The following MGAT4C variants were observed in gnomAD, a reference collection of about 807,000 sequenced individuals.
The protein encoded by MGAT4C is alpha-1,3-mannosyl-glycoprotein 4-beta-N-acetylglucosaminyltransferase C.
In MGAT4C, 19 loss-of-function variants were observed where a neutral mutation model predicts 40.1. That is an observed-to-expected ratio of 0.47 (90% CI 0.33 to 0.70). The LOEUF is 0.70. Among genes scored for constraint, MGAT4C ranks in the 30% least tolerant of loss-of-function variants. MGAT4C has a pLI of 0.02. For synonymous variants in MGAT4C, 181 were observed against 187.1 expected (o/e 0.97, Z 0.27); for missense variants, 491 against 563.2 (o/e 0.87, Z 1.30).
intron 1 of MGAT4C, among the ~76,000 whole-genome samples, chr12:86,147,276 C>T (rs1210058669): frequency 1.3e-5 from 2 of 151,956 alleles, no homozygotes; most frequent in East Asian, 1.9e-4. Flanking sequence ...TAGTCTCGCT[C>T]TGTCGCCCAG....
rs191342958 is a variant in MGAT4C, at chr12:86,489,883, A to C, written c.-228-54618T>G. 3.6e-4 allele frequency among the ~76,000 whole-genome samples: 55 copies of C among 152,320 alleles called. 1 individual carries two copies. Among genetic ancestry groups the C allele is most frequent in the African/African-American group, 1.3e-3 (54 of 41,576 alleles). On this transcript the variant is annotated intron_variant, in intron 2 of 7. Coordinates refer to the MGAT4C transcript ENST00000548651. ...AGGGAAGTTTAGAGAAAAAAGAATA[A>C]AAAGAAATGAACAAAGCATCCAAGA...
At chr12:86,082,433 G>A (rs1311309411) in intron 1 of MGAT4C, among the ~76,000 whole-genome samples, 3 of 152,138 alleles carry the variant, frequency 2.0e-5, no homozygotes, top group Non-Finnish European at 4.4e-5. Flanking sequence ...ATTGGTAGGC[G>A]ACAATTCATT....
chr12:86,574,333 T>A (rs769869862), intron 2 of MGAT4C, among the ~76,000 whole-genome samples: 1 of 151,792 alleles, frequency 6.6e-6, no homozygotes, highest in Non-Finnish European at 1.5e-5. Context: ...CATATTAAGA[T>A]GAAATATTTA....
intron 4 of MGAT4C, among the ~76,000 whole-genome samples, chr12:86,299,851 T>C (rs367781113): frequency 6.6e-6 from 1 of 152,200 alleles, no homozygotes; most frequent in East Asian, 1.9e-4. Flanking sequence ...TCTGTTTTTA[T>C]TCCCATTTAC....
chr12:86,611,731 AAATTT>A (rs1273857818), intron 2 of MGAT4C, among the ~76,000 whole-genome samples: 1 of 152,126 alleles, frequency 6.6e-6, no homozygotes, highest in Non-Finnish European at 1.5e-5. Flanking sequence ...TTTTTATAAC[AAATTT>A]ATTTATTGTT....
At chr12:86,251,478 T>A (rs1281961927) in intron 1 of MGAT4C, among the ~76,000 whole-genome samples, 11 of 152,114 alleles carry the variant, frequency 7.2e-5, no homozygotes, top group South Asian at 2.1e-4. Flanking sequence ...AAAAAGAAAG[T>A]GTCTTTAAAA....
At chr12:86,782,940 G>C (rs538660005) in intron 1 of MGAT4C, among the ~76,000 whole-genome samples, 1 of 152,146 alleles carries the variant, frequency 6.6e-6, no homozygotes, top group Non-Finnish European at 1.5e-5. Flanking sequence ...ATCCAAACCG[G>C]TCTGTAGTAT....
intron 3 of MGAT4C, among the ~76,000 whole-genome samples, chr12:86,398,591 T>C (rs951965879): frequency 2.2e-4 from 33 of 151,798 alleles, no homozygotes; most frequent in African/African-American, 8.0e-4. Flanking sequence ...CCATAGCCCT[T>C]TTAATAGTCT....
In MGAT4C at chr12:86,203,014, CTGTGTGTGTGTG is replaced by C. The variant is rs10587166; in HGVS notation, c.-57+53213_-57+53224del. On this transcript the variant is annotated intron_variant, in intron 1 of 4. Transcript: ENST00000611864. ...GCTGCTAAGTATATGTCACATTTTCCTGTGTGTGTGTGTGTGTGTGTGTGTGTGTGTGTGTGT... is the reference window on the plus strand; with the variant it reads ...GCTGCTAAGTATATGTCACATTTTCCTGTGTGTGTGTGTGTGTGTGTGTGT... Among the ~76,000 whole-genome samples the C allele has an allele frequency of 4.6e-3, 669 of 147,008 alleles. 4 individuals are homozygous for C. The East Asian group carries it at 0.051, about 11-fold the overall frequency.
chr12:86,425,007 C>T (rs964212793), intron 3 of MGAT4C, among the ~76,000 whole-genome samples: 1 of 152,182 alleles, frequency 6.6e-6, no homozygotes, highest in Admixed American at 6.5e-5. Context: ...CCACCTGCCT[C>T]AGCCTCCCGA....
intron 1 of MGAT4C, among the ~76,000 whole-genome samples, chr12:86,795,537 T>C (rs1952099156): frequency 6.6e-6 from 1 of 151,764 alleles, no homozygotes; most frequent in African/African-American, 2.4e-5. Flanking sequence ...TTATATGTAC[T>C]CAAGCTTAAA....
chr12:86,274,318 C>T (rs1026171031), intron 4 of MGAT4C, among the ~76,000 whole-genome samples: 3 of 152,082 alleles, frequency 2.0e-5, no homozygotes, highest in Admixed American at 6.6e-5. Flanking sequence ...GGACATATAT[C>T]CAATCGATAT....
chr12:86,450,144 G>A lies in MGAT4C; in HGVS notation c.-228-14879C>T, dbSNP rs150082279. 1.2e-3 allele frequency among the ~76,000 whole-genome samples: 175 copies of A among 152,058 alleles called. 4 individuals carry two copies. The highest frequency in any genetic ancestry group is 1.5e-3 in the South Asian group (7 of 4,812). The stretch of plus-strand genomic sequence containing the variant: ...GTAGAAATTGCCAACTTTTCTCGGC[G>A]GCAGTGTCAGTTTCCACATTCACTG... On this transcript the variant is annotated intron_variant, in intron 2 of 7. Transcript: ENST00000548651.
At chr12:86,061,677 G>A (rs372988235) in intron 1 of MGAT4C, among the ~76,000 whole-genome samples, 76 of 152,212 alleles carry the variant, frequency 5.0e-4, no homozygotes, top group African/African-American at 1.8e-3. Context: ...GGATGCTCGA[G>A]CTTGGTGAGG....
chr12:86,244,671 TAC>T (rs935150721), intron 1 of MGAT4C, among the ~76,000 whole-genome samples: 105 of 152,252 alleles, frequency 6.9e-4, no homozygotes, highest in African/African-American at 2.4e-3. Flanking sequence ...TCAATTTAAA[TAC>T]ATTACAGGGA....
At chr12:86,308,136 C>T (rs988888753) in intron 4 of MGAT4C, among the ~76,000 whole-genome samples, 1 of 150,532 alleles carries the variant, frequency 6.6e-6, no homozygotes, top group Non-Finnish European at 1.5e-5. Flanking sequence ...TATTTGAAAA[C>T]ATCAATTATG....
intron 2 of MGAT4C, among the ~76,000 whole-genome samples, chr12:86,688,783 TC>T (rs2136593437): frequency 6.6e-6 from 1 of 152,340 alleles, no homozygotes; most frequent in African/African-American, 2.4e-5. Flanking sequence ...TAACATTTTT[TC>T]CTTCAGTTCA....
chr12:86,682,863 A>G (rs966174491), intron 2 of MGAT4C, among the ~76,000 whole-genome samples: 1 of 152,178 alleles, frequency 6.6e-6, no homozygotes, highest in Non-Finnish European at 1.5e-5. Flanking sequence ...GGAGATATAA[A>G]GAATGATGTG....
At chr12:85,993,189 G>A (rs1298316476) in intron 2 of MGAT4C, among the ~76,000 whole-genome samples, 2 of 152,144 alleles carry the variant, frequency 1.3e-5, no homozygotes, top group African/African-American at 4.8e-5. Context: ...GAGCTCTCCT[G>A]GAAGGATGTC....
Sources: gnomAD v4.1 joint callset for allele counts (sites outside exome capture counted in the v4.1 genomes callset) on GRCh38, gnomAD v4.1.1 for gene constraint, MANE v1.5 for transcripts, NCBI Gene and HGNC (gene_info 2026-07-23, HGNC 2026-07-21) for gene names.